Variants in DNAH12 observed in about 807,000 individuals in gnomAD.
The protein encoded by DNAH12 is dynein axonemal heavy chain 12, also known as axonemal beta dynein heavy chain 12.
A neutral mutation model predicts 371.5 loss-of-function variants in DNAH12; 285 were observed. The ratio of observed to expected loss-of-function variants is 0.77; its 90% CI spans 0.70 to 0.85. The LOEUF (loss-of-function observed/expected upper bound fraction) is 0.85. Among genes scored for constraint, DNAH12 ranks in the 40% least tolerant of loss-of-function variants. The probability of loss-of-function intolerance (pLI) is 0.00; values close to 1 mark genes in which losing one functional copy is unlikely to be tolerated. For synonymous variants in DNAH12, 1,200 were observed against 1,213.0 expected (o/e 0.99, Z 0.22); for missense variants, 3,611 against 3,689.4 (o/e 0.98, Z 0.55).
At chr3:57,329,895 G>C (rs540191815) in intron 62 of DNAH12, among the ~76,000 whole-genome samples, 1 of 152,110 alleles carries the variant, frequency 6.6e-6, no homozygotes, top group African/African-American at 2.4e-5. Flanking sequence ...ATCCAAAAGT[G>C]GGCAAAGGAC....
intron 9 of DNAH12, among the ~76,000 whole-genome samples, chr3:57,502,910 G>T (rs576685350): frequency 6.6e-6 from 1 of 151,916 alleles, no homozygotes; most frequent in Non-Finnish European, 1.5e-5. Context: ...GAACTCCTGA[G>T]CTCAGGCAAT....
intron 2 of DNAH12, among the ~76,000 whole-genome samples, chr3:57,542,145 T>G (rs2069312265): frequency 4.3e-5 from 2 of 46,924 alleles, no homozygotes; most frequent in Non-Finnish European, 4.1e-5. Flanking sequence ...AGTTTTAATT[T>G]CCACTAAACT....
chr3:57,319,108 T>C (rs2061748075), intron 65 of DNAH12, among the ~76,000 whole-genome samples: 1 of 152,206 alleles, frequency 6.6e-6, no homozygotes, highest in East Asian at 1.9e-4. Flanking sequence ...TATTCCTAAG[T>C]ATTTTATTGT....
intron 13 of DNAH12, among the ~76,000 whole-genome samples, chr3:57,475,613 C>G (rs114093193): frequency 0.014 from 2,080 of 152,088 alleles, 58 homozygotes; most frequent in African/African-American, 0.047. Flanking sequence ...AGGTACATAA[C>G]CCAAAAAAAT....
chr3:57,481,541 G>T, intron 13 of DNAH12, among the ~76,000 whole-genome samples: 1 of 152,070 alleles, frequency 6.6e-6, no homozygotes, highest in East Asian at 1.9e-4. Context: ...AGCTACCAAT[G>T]ACTTTCTTCA....
rs947551308 is a variant in DNAH12 at position 57,530,312 on chromosome 3, T to A, written c.171-6428A>T. The A allele has an allele frequency of 1.5e-5, 6 of 393,142 alleles. No individual in the cohort carries two copies. In the South Asian group the frequency reaches 3.0e-4, roughly 20 times the overall value. 24.4% of individuals were successfully genotyped at this position (393,142 alleles called of 1,614,324 possible). A position where few individuals can be genotyped will look rare whatever the true frequency, so the allele number is the denominator to read the frequency against. On this transcript the variant is annotated intron_variant, in intron 2 of 73. Transcript: ENST00000495027. ...CTTGTTACAGAACAATAAACACCTT[T>A]ATTACATAAGCAAATACAGAAAGGA...
intron 52 of DNAH12, 24 bp downstream of exon 52, chr3:57,379,134 C>G (rs1385540417): frequency 2.0e-5 from 3 of 152,148 alleles, no homozygotes; most frequent in African/African-American, 7.2e-5. Context: ...TAGTAGAACA[C>G]AGATGTGCTA....
At chr3:57,408,722 T>TCAAAA (rs1553682135) in intron 39 of DNAH12, among the ~76,000 whole-genome samples, 187 bp from the exon 40 acceptor site, 138 of 147,652 alleles carry the variant, frequency 9.3e-4, no homozygotes, top group Non-Finnish European at 1.6e-3. Context: ...CAGTGACTGA[T>TCAAAA]TCTGCTACCC....
upstream of DNAH12, among the ~76,000 whole-genome samples, chr3:57,544,990 A>ATTTT (rs574394355): frequency 7.0e-6 from 1 of 142,642 alleles, no homozygotes; most frequent in African/African-American, 2.6e-5. Flanking sequence ...TTGCTACGTA[A>ATTTT]TTTTTTTTTT....
chr3:57,299,431 A>AGTC (rs2061300744), intron 70 of DNAH12, among the ~76,000 whole-genome samples: 1 of 152,188 alleles, frequency 6.6e-6, no homozygotes, highest in South Asian at 2.1e-4. Context: ...ACTTGCTAAA[A>AGTC]GTCACAAAGA....
At chr3:57,506,991 A>G (rs1249597937) in intron 8 of DNAH12, among the ~76,000 whole-genome samples, 2 of 151,754 alleles carry the variant, frequency 1.3e-5, no homozygotes, top group African/African-American at 4.8e-5. Context: ...TAGAAAGGAA[A>G]CCATGTGTAT....
chr3:57,310,778 G>C lies in DNAH12; in HGVS notation c.10835C>G (p.Pro3612Arg). The C allele has an allele frequency of 6.4e-7, 1 of 1,551,536 alleles. No individual in the cohort carries two copies. The highest frequency in any genetic ancestry group is 1.7e-4 in the Middle Eastern group (1 of 5,990). The change falls in exon 67 of 74, where the codon CCC (proline) becomes CGC (arginine). Residue 3612 changes from proline (P) to arginine (R), a missense_variant. Pro to Arg is a moderately radical substitution (Grantham distance 103, BLOSUM62 -2). Transcript: ENST00000495027. Reference sequence around the variant, plus strand: ...AGGAGGTGCAAAATAGTTTCCACTGGGAGAAAACTTATAATGAGGGTTTTC... The same window carrying C: ...AGGAGGTGCAAAATAGTTTCCACTGCGAGAAAACTTATAATGAGGGTTTTC... Reference protein sequence around the residue: ...IVENPHYKFSPSGNYFAPPKG... With the variant: ...IVENPHYKFSRSGNYFAPPKG...
Position 57,510,877 on chromosome 3 carries a change from T to C in DNAH12, c.382A>G (p.Lys128Glu). The change falls in exon 5 of 74, where the codon AAG becomes GAG. Residue 128 changes from lysine to glutamate, a missense_variant. Transcript: ENST00000495027. ...AGTTCTTCTCTTTCTTTCCCTTCCT[T>C]TAAAGACTCAGGTATCAGCCTTAAC... The part of the protein sequence containing the change: ...HMLRLIPESL[K>E]EGKEREELLE... The C allele has an allele frequency of 6.2e-7, 1 of 1,614,094 alleles. No homozygotes were observed. Among genetic ancestry groups the C allele is most frequent in the Non-Finnish European group, 8.5e-7 (1 of 1,180,022 alleles).
chr3:57,390,424 A>AAAAAAAATAT lies in DNAH12; in HGVS notation c.7305+1447_7305+1448insATATTTTTTT. Among the ~76,000 whole-genome samples, 2 of 33,434 alleles carry AAAAAAAATAT rather than the reference A, an allele frequency of 6.0e-5. 1 individual carries two copies. The highest frequency in any genetic ancestry group is 1.4e-4 in the Non-Finnish European group (2 of 14,326). The allele number at this position is 33,434 out of a possible 152,430, so 21.9% of individuals were successfully genotyped here. ...ATCCTGTCTCAAAAAAAAAAAAAAA[A>AAAAAAAATAT]ATATATATATATATATATATATATA... On this transcript the variant is annotated intron_variant, in intron 45 of 73. Transcript: ENST00000495027.
chr3:57,490,638 A>C (rs2067084076), intron 11 of DNAH12, among the ~76,000 whole-genome samples: 1 of 151,638 alleles, frequency 6.6e-6, no homozygotes, highest in Non-Finnish European at 1.5e-5. Flanking sequence ...CTTCAGGAGA[A>C]CTTTCCTTCA....
chr3:57,489,491 G>A lies in DNAH12; in HGVS notation c.1514+18C>T. ...TTTTAGCCATATAATTCTGAGCTTG[G>A]GAATTAATTCTACTTACCATTCATT... is the stretch of plus-strand genomic sequence containing the variant. On this transcript the variant is annotated intron_variant, in intron 12 of 73. Transcript: ENST00000495027. 2 of 1,485,088 alleles carry A rather than the reference G, an allele frequency of 1.3e-6. No individual in the cohort carries two copies. The highest frequency in any genetic ancestry group is 1.4e-5 in the South Asian group (1 of 73,492). The allele number at this position is 1,485,088 out of a possible 1,614,324, so 92.0% of individuals were successfully genotyped here. A position where few individuals can be genotyped will look rare whatever the true frequency, so the allele number is the denominator to read the frequency against.
Position 57,396,076 on chromosome 3 carries a change from C to T in DNAH12, c.6949-1744G>A, listed in dbSNP as rs1167008616. Among the ~76,000 whole-genome samples the T allele has an allele frequency of 5.9e-5, 9 of 151,564 alleles. No individual in the cohort carries two copies. The South Asian group carries it at 1.3e-3, about 21-fold the overall frequency. ...GGTGGATCACCTGAGGTTGGGAGTT[C>T]GAGACCAGCCTGACCAACATGGAGA... is the stretch of plus-strand genomic sequence containing the variant. On this transcript the variant is annotated intron_variant, in intron 43 of 73. Coordinates refer to ENST00000495027, the MANE Select transcript of DNAH12 (RefSeq NM_001366028.2).
At chr3:57,428,271 TG>T in intron 34 of DNAH12, 2 of 854,392 alleles carry the variant, frequency 2.3e-6, no homozygotes, top group Non-Finnish European at 3.2e-6. Context: ...ATGACAGCCC[TG>T]GGAAGCTAAT....
Position 57,428,653 on chromosome 3 carries a change from G to T in DNAH12, c.5233C>A (p.Gln1745Lys). Residue 1745 changes from glutamine to lysine, a missense_variant, in exon 34 of 74, where the codon CAG becomes AAG. Gln to Lys is a moderately conservative substitution (Grantham distance 53). Coordinates refer to ENST00000495027, the MANE Select transcript of DNAH12 (RefSeq NM_001366028.2). Reference sequence around the variant, plus strand: ...ATTACCTTGCATTTTTTCTTACGCTGGTTTAAAGAGGGTGGTATTAACCAG... The same window carrying T: ...ATTACCTTGCATTTTTTCTTACGCTTGTTTAAAGAGGGTGGTATTAACCAG... ...FAWLIPPSLN[Q>K]RKKKCKELIP... 1 of 1,535,626 alleles carries T rather than the reference G, an allele frequency of 6.5e-7. No individual in the cohort carries two copies. Among genetic ancestry groups the T allele is most frequent in the Admixed American group, 2.2e-5 (1 of 45,420 alleles).
Sources: gnomAD v4.1 joint callset for allele counts (sites outside exome capture counted in the v4.1 genomes callset) on GRCh38, gnomAD v4.1.1 for gene constraint, MANE v1.5 for transcripts, NCBI Gene and HGNC (gene_info 2026-07-23, HGNC 2026-07-21) for gene names.